The following PPHLN1 variants were observed in gnomAD, a reference collection of about 807,000 sequenced individuals.
PPHLN1 encodes the protein periphilin 1, also known as periphilin-1.
Under a neutral mutation model 51.3 loss-of-function variants are expected in PPHLN1, and 29 were observed. The observed-to-expected ratio is 0.57, with a 90% confidence interval of 0.42 to 0.77. PPHLN1 has a LOEUF of 0.77. PPHLN1 is among the 30% of genes least tolerant of loss of function. PPHLN1 has a pLI of 0.00. For synonymous variants in PPHLN1, 147 were observed against 147.8 expected (o/e 0.99, Z 0.04); for missense variants, 436 against 438.4 (o/e 0.99, Z 0.05).
intron 5 of PPHLN1, among the ~76,000 whole-genome samples, chr12:42,378,383 G>A (rs2076483557): frequency 6.6e-6 from 1 of 151,846 alleles, no homozygotes; most frequent in East Asian, 1.9e-4. Context: ...TCAGATACCA[G>A]TTTTTGCTTT....
chr12:42,348,991 T>C (rs577553438), intron 2 of PPHLN1, among the ~76,000 whole-genome samples: 40 of 152,222 alleles, frequency 2.6e-4, no homozygotes, highest in Non-Finnish European at 5.1e-4. Flanking sequence ...TACATCCCCA[T>C]GGGAAAAATT....
chr12:42,371,473 C>A (rs1228279571), intron 4 of PPHLN1, among the ~76,000 whole-genome samples: 1 of 152,134 alleles, frequency 6.6e-6, no homozygotes, highest in Admixed American at 6.5e-5. Flanking sequence ...TTGATACTAT[C>A]ATTTCTCTTT....
intron 2 of PPHLN1, chr12:42,351,515 A>G (rs999319517): frequency 3.2e-5 from 5 of 155,774 alleles, no homozygotes; most frequent in African/African-American, 1.2e-4. Flanking sequence ...TAGAACAAAT[A>G]TGAGAGCTGT....
intron 4 of PPHLN1, among the ~76,000 whole-genome samples, chr12:42,373,998 T>TCCTGGTCCCTAC: frequency 6.6e-6 from 1 of 152,222 alleles, no homozygotes; most frequent in Non-Finnish European, 1.5e-5. Context: ...TTAGCAGCAT[T>TCCTGGTCCCTAC]CCTGGTCCCT....
At chr12:42,385,762 G>A (rs1254009665) in intron 6 of PPHLN1, among the ~76,000 whole-genome samples, 2 of 152,168 alleles carry the variant, frequency 1.3e-5, no homozygotes, top group Non-Finnish European at 2.9e-5. Flanking sequence ...CTTTTTATCT[G>A]ATTTTCGAGT....
At position 42,357,897 on chromosome 12, in the gene PPHLN1, ATC is replaced by A. The variant is rs1189614126; in HGVS notation, c.299+2679_299+2680del. On this transcript the variant is annotated intron_variant, in intron 4 of 9. Coordinates refer to ENST00000358314, the MANE Select transcript of PPHLN1 (RefSeq NM_201439.2). ...CCTCACTCACCTCCCACCCTTCCAA[ATC>A]TCTGTCTCTCATTCCACTATGTCCA... Among the ~76,000 whole-genome samples the A allele has an allele frequency of 8.5e-5, 13 of 152,104 alleles. No individual in the cohort carries two copies. In the South Asian group the frequency reaches 1.0e-3, roughly 12 times the overall value.
At chr12:42,438,097 A>G (rs1226337900) in intron 9 of PPHLN1, among the ~76,000 whole-genome samples, 4 of 152,250 alleles carry the variant, frequency 2.6e-5, no homozygotes, top group Non-Finnish European at 4.4e-5. Context: ...GATGCTTCCA[A>G]TTTTTGGCAG....
At chr12:42,376,277 AC>A (rs1430526060) in intron 5 of PPHLN1, among the ~76,000 whole-genome samples, 3 of 152,202 alleles carry the variant, frequency 2.0e-5, no homozygotes, top group African/African-American at 7.2e-5. Flanking sequence ...TTTTAATTTA[AC>A]AGCCTTTGCC....
intron 9 of PPHLN1, among the ~76,000 whole-genome samples, chr12:42,416,601 GTTATAC>G (rs1351566804): frequency 6.6e-6 from 1 of 152,062 alleles, no homozygotes; most frequent in Non-Finnish European, 1.5e-5. Context: ...TCAGGAGAGT[GTTATAC>G]TTATGAATAC....
chr12:42,382,013 C>T (rs907094357), intron 5 of PPHLN1, among the ~76,000 whole-genome samples: 2 of 152,106 alleles, frequency 1.3e-5, no homozygotes, highest in African/African-American at 2.4e-5. Context: ...TTTTTCCCTG[C>T]AGTGTCCTTT....
chr12:42,445,285 A>G (rs889665691), downstream of PPHLN1: 1 of 591,608 alleles, frequency 1.7e-6, no homozygotes, highest in East Asian at 2.9e-5. Flanking sequence ...AATTAGAGAA[A>G]CTTAACTAAA....
intron 9 of PPHLN1, among the ~76,000 whole-genome samples, chr12:42,421,075 G>A (rs2080964858): frequency 6.6e-6 from 1 of 152,122 alleles, no homozygotes; most frequent in Non-Finnish European, 1.5e-5. Flanking sequence ...TGGTTAGGAT[G>A]ATCAAAATGT....
intron 1 of PPHLN1, among the ~76,000 whole-genome samples, chr12:42,327,208 C>T (rs2068929922): frequency 6.6e-6 from 1 of 152,180 alleles, no homozygotes; most frequent in Non-Finnish European, 1.5e-5. Context: ...ACTGCTTCTT[C>T]GTTTCTTCCC....
downstream of PPHLN1, chr12:42,445,928 T>C: frequency 6.9e-7 from 1 of 1,453,452 alleles, no homozygotes; most frequent in Non-Finnish European, 9.1e-7. Flanking sequence ...CCAAATGTTT[T>C]GCTAACATGG....
chr12:42,364,038 A>G (rs1236539705), intron 4 of PPHLN1, among the ~76,000 whole-genome samples: 1 of 152,092 alleles, frequency 6.6e-6, no homozygotes, highest in Non-Finnish European at 1.5e-5. Flanking sequence ...AGCCTGGCCA[A>G]CATGGCAAAA....
Position 42,398,931 on chromosome 12 carries a change from T to C in PPHLN1, c.846T>C (p.Phe282=), listed in dbSNP as rs575109793. Residue 282 remains phenylalanine (F), a synonymous_variant, in exon 9 of 10, where the codon TTT becomes TTC. Transcript: ENST00000358314. The stretch of plus-strand genomic sequence containing the variant: ...ACACAACACATGGGATAGAATTATT[T>C]GAAGATAGTCAGCTAACCACTCGCT... ...ESNTTHGIEL[F]EDSQLTTRSK... is the part of the protein sequence containing the mutation. 6.2e-7 allele frequency: 1 copy of C among 1,614,138 alleles called. No homozygotes were observed. The highest frequency in any genetic ancestry group is 1.3e-5 in the African/African-American group (1 of 75,060).
chr12:42,388,314 G>A (rs1177681927), intron 7 of PPHLN1, among the ~76,000 whole-genome samples: 1 of 152,200 alleles, frequency 6.6e-6, no homozygotes, highest in Non-Finnish European at 1.5e-5. Flanking sequence ...GGCGAGACAT[G>A]CTGGCGGCAA....
intron 9 of PPHLN1, among the ~76,000 whole-genome samples, chr12:42,412,545 C>T (rs898985031): frequency 1.3e-5 from 2 of 151,920 alleles, no homozygotes; most frequent in Non-Finnish European, 1.5e-5. Flanking sequence ...CTACAATAAA[C>T]GTATACATGC....
chr12:42,387,542 T>C lies in PPHLN1; in HGVS notation c.648+7T>C. The C allele has an allele frequency of 6.2e-7, 1 of 1,608,946 alleles. No homozygotes were observed. Among genetic ancestry groups the C allele is most frequent in the Non-Finnish European group, 8.5e-7 (1 of 1,178,488 alleles). On this transcript the variant is annotated splice_region_variant and intron_variant, in intron 7 of 9. Coordinates refer to ENST00000358314, the MANE Select transcript of PPHLN1 (RefSeq NM_201439.2). The stretch of plus-strand genomic sequence containing the variant: ...AGCAGTTTCTTCATCAAAGGTTTGT[T>C]ATATTTCTAAAATCAGTTTAAAGAA...
Sources: allele counts gnomAD v4.1 joint callset (sites outside exome capture counted in the v4.1 genomes callset), GRCh38; gene constraint gnomAD v4.1.1; transcripts MANE v1.5; gene names NCBI Gene and HGNC (gene_info 2026-07-23, HGNC 2026-07-21).